TNKS2: variants seen among roughly 807,000 people sequenced by gnomAD.
TNKS2 encodes the protein poly [ADP-ribose] polymerase tankyrase-2.
Under a neutral mutation model 137.6 loss-of-function variants are expected in TNKS2, and 72 were observed. The ratio of observed to expected loss-of-function variants is 0.52; its 90% CI spans 0.43 to 0.64. The LOEUF (loss-of-function observed/expected upper bound fraction) is 0.64. Among genes scored for constraint, TNKS2 ranks in the 30% least tolerant of loss-of-function variants. TNKS2 has a pLI of 0.00. For missense variants in TNKS2, 1,049 were observed against 1,410.2 expected, an observed-to-expected ratio of 0.74 and a Z score of 4.10; for synonymous variants, 516 against 512.1, an observed-to-expected ratio of 1.01 and a Z score of -0.10.
rs919171029 is a variant in TNKS2, at chr10:91,864,080, A to C, written c.*1081A>C. The C allele has an allele frequency of 6.6e-6, 1 of 152,198 alleles. No individual in the cohort carries two copies. Among genetic ancestry groups the C allele is most frequent in the African/African-American group, 2.4e-5 (1 of 41,426 alleles). 9.4% of individuals were successfully genotyped at this position (152,198 alleles called of 1,614,324 possible). On this transcript the variant is annotated 3_prime_UTR_variant, in exon 27 of 27. Coordinates refer to ENST00000371627, the MANE Select transcript of TNKS2 (RefSeq NM_025235.4). ...TGGTTTTATTGCTGTATTTATAGCCAATCTATACATCATGGGTAAACTTAA... is the reference window on the plus strand; with the variant it reads ...TGGTTTTATTGCTGTATTTATAGCCCATCTATACATCATGGGTAAACTTAA...
intron 3 of TNKS2, among the ~76,000 whole-genome samples, chr10:91,817,545 G>T (rs971215068): frequency 1.3e-5 from 2 of 152,066 alleles, no homozygotes; most frequent in Non-Finnish European, 2.9e-5. Context: ...GATAACTTAT[G>T]CCTGCCCTTT....
chr10:91,801,401 ACT>A (rs1019669591), intron 1 of TNKS2, among the ~76,000 whole-genome samples: 7 of 152,006 alleles, frequency 4.6e-5, no homozygotes, highest in Admixed American at 2.6e-4. Context: ...GAGAAAAATG[ACT>A]CTGTAAATTG....
At chr10:91,815,650 T>A (rs1214833440) in intron 2 of TNKS2, among the ~76,000 whole-genome samples, 1 of 152,078 alleles carries the variant, frequency 6.6e-6, no homozygotes, top group Admixed American at 6.5e-5. Flanking sequence ...AAATATTGAA[T>A]TTTTGGATGT....
At chr10:91,820,767 G>A (rs1844860276) in intron 6 of TNKS2, among the ~76,000 whole-genome samples, 1 of 152,206 alleles carries the variant, frequency 6.6e-6, no homozygotes, top group Non-Finnish European at 1.5e-5. Flanking sequence ...GAGCATTCTA[G>A]AGGTTTAAGC....
At chr10:91,800,078 C>G (rs570518911) in intron 1 of TNKS2, among the ~76,000 whole-genome samples, 2 of 152,162 alleles carry the variant, frequency 1.3e-5, no homozygotes, top group East Asian at 3.9e-4. Flanking sequence ...CTTTTTTGAT[C>G]AATTGCACCT....
intron 24 of TNKS2, 51 bp from the exon 25 acceptor site, chr10:91,859,411 T>A: frequency 7.3e-7 from 1 of 1,372,396 alleles, no homozygotes; most frequent in Non-Finnish European, 9.6e-7. Context: ...TTTTTACTTT[T>A]TATTCTAAGA....
chr10:91,828,473 C>G, intron 9 of TNKS2, 67 bp downstream of exon 9: 4 of 1,360,850 alleles, frequency 2.9e-6, no homozygotes, highest in Non-Finnish European at 3.9e-6. Flanking sequence ...TCATAATATC[C>G]TACTTTTAGA....
rs73327827 is a variant in TNKS2 at position 91,848,499 on chromosome 10, C to T, written c.2475C>T (p.Leu825=). The T allele has an allele frequency of 1.8e-3, 2,901 of 1,614,122 alleles. 40 individuals are homozygous for T. The African/African-American group carries it at 0.034, about 19-fold the overall frequency. The change falls in exon 19 of 27, where the codon CTC becomes CTT. Residue 825 remains leucine, a synonymous_variant. Transcript: ENST00000371627. ...VRSPGATADA[L]SSGPSSPSSL... is the part of the protein sequence containing the mutation. The stretch of plus-strand genomic sequence containing the variant: ...GCCCAGGAGCCACTGCAGATGCTCT[C>T]TCTTCAGGTCCATCTAGCCCATCAA...
At position 91,855,662 on chromosome 10, in the gene TNKS2, A is replaced by C. The variant is rs763847805; in HGVS notation, c.2962A>C (p.Ile988Leu). 6.2e-7 allele frequency: 1 copy of C among 1,613,004 alleles called. No homozygotes were observed. The highest frequency in any genetic ancestry group is 8.5e-7 in the Non-Finnish European group (1 of 1,179,430). ...CAGAGATGGAGGTCATGCAGGTGGA[A>C]TCTTCAACAGATACAATATTCTCAA... ...EHRDGGHAGGIFNRYNILKIQ... is the reference protein window; with the variant it reads ...EHRDGGHAGGLFNRYNILKIQ... The change falls in exon 23 of 27, where the codon ATC becomes CTC. Residue 988 changes from isoleucine (I) to leucine (L), a missense_variant. Around this residue, in one of 6 missense-constraint regions of TNKS2, gnomAD observed 133 missense variants for 248.4 expected, o/e 0.54. Coordinates refer to ENST00000371627, the MANE Select transcript of TNKS2 (RefSeq NM_025235.4).
Position 91,862,097 on chromosome 10 carries a change from G to A in TNKS2, c.3380G>A (p.Gly1127Asp). The change falls in exon 26 of 27, where the codon GGT becomes GAT. Residue 1127 changes from glycine (G) to aspartate (D), a missense_variant. Coordinates refer to ENST00000371627, the MANE Select transcript of TNKS2 (RefSeq NM_025235.4). ...HSPPGHHSVT[G>D]RPSVNGLALA... is the part of the protein sequence containing the mutation. ...CCTCCAGGTCATCACTCAGTCACTG[G>A]TAGGCCCAGTGTAAATGGCCTAGCA... is the stretch of plus-strand genomic sequence containing the variant. The A allele has an allele frequency of 6.2e-7, 1 of 1,613,178 alleles. No individual in the cohort carries two copies. Among genetic ancestry groups the A allele is most frequent in the Non-Finnish European group, 8.5e-7 (1 of 1,179,440 alleles).
chr10:91,810,885 CTTTTCTT>C (rs1028913023), intron 1 of TNKS2, among the ~76,000 whole-genome samples: 1 of 87,738 alleles, frequency 1.1e-5, no homozygotes, highest in Non-Finnish European at 2.3e-5. Flanking sequence ...TTTGTTTATT[CTTTTCTT>C]TTTTCTTTTC....
At chr10:91,857,348 T>C (rs1202155616) in intron 23 of TNKS2, 77 bp from the exon 24 acceptor site, 1 of 886,648 alleles carries the variant, frequency 1.1e-6, no homozygotes, top group African/African-American at 1.7e-5. Context: ...GCTAAATGTA[T>C]GTCCCATGTT....
In TNKS2 at chr10:91,848,367, C is replaced by G. The variant is rs780714726; in HGVS notation, c.2359-16C>G. Reference sequence around the variant, plus strand: ...AACTTGCTTATGGCAGATGTTGTCTCTGACACGTACCCTAGGCGGATGATG... The same window carrying G: ...AACTTGCTTATGGCAGATGTTGTCTGTGACACGTACCCTAGGCGGATGATG... On this transcript the variant is annotated splice_polypyrimidine_tract_variant and intron_variant, in intron 18 of 26. Transcript: ENST00000371627. The G allele has an allele frequency of 2.5e-6, 4 of 1,607,156 alleles. No homozygotes were observed. Among genetic ancestry groups the G allele is most frequent in the Non-Finnish European group, 3.4e-6 (4 of 1,176,468 alleles).
At chr10:91,861,642 G>A (rs752510719) in intron 25 of TNKS2, among the ~76,000 whole-genome samples, 18 of 152,148 alleles carry the variant, frequency 1.2e-4, no homozygotes, top group Non-Finnish European at 2.4e-4. Flanking sequence ...AATTAGATAT[G>A]TGTCCAACTT....
Position 91,820,019 on chromosome 10 carries a change from T to C in TNKS2, c.714T>C (p.His238=), listed in dbSNP as rs1564610407. Residue 238 remains histidine, a synonymous_variant, in exon 6 of 27, where the codon CAT becomes CAC. Transcript: ENST00000371627. ...QLLLQHGADV[H]AKDKGDLVPL... ...TACTGCAACATGGAGCTGATGTCCATGCTAAAGATAAAGGGTAAGCATTTG... is the reference window on the plus strand; with the variant it reads ...TACTGCAACATGGAGCTGATGTCCACGCTAAAGATAAAGGGTAAGCATTTG... The C allele has an allele frequency of 1.9e-6, 3 of 1,586,956 alleles. No individual in the cohort carries two copies. The highest frequency in any genetic ancestry group is 2.6e-6 in the Non-Finnish European group (3 of 1,167,196).
chr10:91,807,034 C>T (rs1476846360), intron 1 of TNKS2: 3 of 1,000,490 alleles, frequency 3.0e-6, no homozygotes, highest in Non-Finnish European at 4.4e-6. Flanking sequence ...CTAAAGTAAA[C>T]ATTAAAAAGA....
At chr10:91,831,328 T>C in intron 11 of TNKS2, 147 bp downstream of exon 11, 1 of 730,354 alleles carries the variant, frequency 1.4e-6, no homozygotes, top group South Asian at 1.9e-5. Context: ...GTCCTGCAGG[T>C]AACCTTTTCT....
At position 91,819,987 on chromosome 10, in the gene TNKS2, C is replaced by T; in HGVS notation, c.682C>T (p.Gln228Ter). The T allele has an allele frequency of 6.3e-7, 1 of 1,592,988 alleles. No homozygotes were observed. Among genetic ancestry groups the T allele is most frequent in the Non-Finnish European group, 8.5e-7 (1 of 1,170,042 alleles). The change falls in exon 6 of 27, where the codon CAG becomes TAG. Residue 228 changes from glutamine to a stop codon, truncating the protein, a stop_gained. Transcript: ENST00000371627. LOFTEE classifies it high-confidence loss of function. ...AGGATATAACAGAGTAAAGATTGTACAGCTGTTACTGCAACATGGAGCTGA... is the reference window on the plus strand; with the variant it reads ...AGGATATAACAGAGTAAAGATTGTATAGCTGTTACTGCAACATGGAGCTGA... ...AAGYNRVKIV[Q>*]LLLQHGADVH...
At position 91,841,876 on chromosome 10, in the gene TNKS2, G is replaced by A. The variant is rs550916552; in HGVS notation, c.1840-296G>A. On this transcript the variant is annotated intron_variant, in intron 15 of 26. Coordinates refer to ENST00000371627, the MANE Select transcript of TNKS2 (RefSeq NM_025235.4). ...TACTTTATTTAAATGTTCATGAAAA[G>A]TAAAAATAGTATAACATGAAAGTTA... Among the ~76,000 whole-genome samples, 14 of 152,104 alleles carry A rather than the reference G, an allele frequency of 9.2e-5. No homozygotes were observed. The South Asian group carries it at 2.3e-3, about 25-fold the overall frequency.
Sources: allele counts gnomAD v4.1 joint callset (sites outside exome capture counted in the v4.1 genomes callset), GRCh38; gene constraint gnomAD v4.1.1; regional missense constraint gnomAD v4.1.1; transcripts MANE v1.5; gene names NCBI Gene and HGNC (gene_info 2026-07-23, HGNC 2026-07-21).